The following CNTN4 variants were observed in gnomAD, a reference collection of about 807,000 sequenced individuals.
CNTN4 encodes the protein contactin 4.
In CNTN4, 77 loss-of-function variants were observed where a neutral mutation model predicts 122.5. That is an observed-to-expected ratio of 0.63 (90% CI 0.52 to 0.76). The LOEUF is 0.76. CNTN4 is among the 30% of genes least tolerant of loss of function. The pLI is 0.00. For missense variants in CNTN4, 1,256 were observed against 1,259.1 expected (o/e 1.00, Z 0.04); for synonymous variants, 512 against 447.0 (o/e 1.15, Z -1.83).
At chr3:2,797,087 A>C (rs758888116) in intron 6 of CNTN4, among the ~76,000 whole-genome samples, 3 of 152,278 alleles carry the variant, frequency 2.0e-5, no homozygotes, top group Middle Eastern at 3.4e-3. Context: ...TGCAGCCTAC[A>C]ACTCCTGGGC....
chr3:2,183,904 T>C (rs59946904), intron 2 of CNTN4, among the ~76,000 whole-genome samples: 295 of 152,304 alleles, frequency 1.9e-3, no homozygotes, highest in African/African-American at 7.0e-3. Context: ...TATTTTTGGA[T>C]AGGATAACAG....
chr3:2,564,933 G>A (rs1392628751), intron 3 of CNTN4, among the ~76,000 whole-genome samples: 1 of 152,062 alleles, frequency 6.6e-6, no homozygotes, highest in Non-Finnish European at 1.5e-5. Context: ...TGATACATTA[G>A]CTACCTGGCT....
intron 7 of CNTN4, among the ~76,000 whole-genome samples, chr3:2,859,132 T>TC (rs1368728429): frequency 6.6e-6 from 1 of 152,242 alleles, no homozygotes; most frequent in East Asian, 1.9e-4. Flanking sequence ...GTTTTGTGAT[T>TC]CCACATGTGA....
chr3:2,379,701 C>T (rs1014640736), intron 3 of CNTN4, among the ~76,000 whole-genome samples: 2 of 152,136 alleles, frequency 1.3e-5, no homozygotes, highest in Non-Finnish European at 1.5e-5. Flanking sequence ...ATCTTGGGAA[C>T]ATTATATAAC....
rs138137707 is a variant in CNTN4 at position 2,859,297 on chromosome 3, C to A, written c.455-7455C>A. Among the ~76,000 whole-genome samples the A allele has an allele frequency of 3.9e-5, 6 of 152,290 alleles. No homozygotes were observed. The East Asian group carries it at 9.7e-4, about 25-fold the overall frequency. On this transcript the variant is annotated intron_variant, in intron 7 of 24. Transcript: ENST00000418658. ...GTATATATATCACATTTTCTTCATT[C>A]ATTCATCCACTGATGGACACTTAGT...
At chr3:2,121,007 C>G (rs1179886054) in intron 2 of CNTN4, among the ~76,000 whole-genome samples, 2 of 152,102 alleles carry the variant, frequency 1.3e-5, no homozygotes, top group African/African-American at 4.8e-5. Context: ...CTTTGGGAGG[C>G]TTTCTCTGCA....
At chr3:2,351,799 G>T (rs2044634600) in intron 3 of CNTN4, among the ~76,000 whole-genome samples, 1 of 148,972 alleles carries the variant, frequency 6.7e-6, no homozygotes, top group African/African-American at 2.5e-5. Flanking sequence ...TAAAATGATG[G>T]TTACTGAGGT....
At chr3:2,181,959 T>C (rs2037036486) in intron 2 of CNTN4, among the ~76,000 whole-genome samples, 2 of 152,120 alleles carry the variant, frequency 1.3e-5, no homozygotes, top group Non-Finnish European at 2.9e-5. Context: ...CAAGAATAAA[T>C]ACTGAATGCT....
intron 3 of CNTN4, among the ~76,000 whole-genome samples, chr3:2,481,321 A>T (rs2075999067): frequency 6.6e-6 from 1 of 151,802 alleles, no homozygotes; most frequent in Non-Finnish European, 1.5e-5. Flanking sequence ...TTGTATTTTT[A>T]GTAGAGATGT....
At chr3:2,127,478 C>T (rs1483948430) in intron 2 of CNTN4, among the ~76,000 whole-genome samples, 1 of 152,004 alleles carries the variant, frequency 6.6e-6, no homozygotes, top group Non-Finnish European at 1.5e-5. Context: ...GTGCCACAAT[C>T]CTTTTAGAAC....
chr3:2,253,155 A>G (rs11713372), intron 2 of CNTN4, among the ~76,000 whole-genome samples: 16,409 of 152,112 alleles, frequency 0.11, 1,067 homozygotes, highest in Middle Eastern at 0.15. Flanking sequence ...AGGTAACTAG[A>G]TAATGCTAAA....
At chr3:3,009,379 C>A (rs1559783612) in intron 14 of CNTN4, among the ~76,000 whole-genome samples, 2 of 152,080 alleles carry the variant, frequency 1.3e-5, no homozygotes, top group African/African-American at 2.4e-5. Flanking sequence ...AAGAAACACC[C>A]TTTTCTTGCT....
chr3:2,912,365 G>T (rs1020059403), intron 12 of CNTN4, among the ~76,000 whole-genome samples: 1 of 152,186 alleles, frequency 6.6e-6, no homozygotes, highest in Non-Finnish European at 1.5e-5. Context: ...GGGAGAAGTG[G>T]AGACTTTCCC....
intron 3 of CNTN4, among the ~76,000 whole-genome samples, chr3:2,472,466 T>C (rs78894090): frequency 0.013 from 1,905 of 152,270 alleles, 40 homozygotes; most frequent in African/African-American, 0.043. Flanking sequence ...CTCAAATTTC[T>C]GGCCTCATGT....
chr3:2,520,529 C>G (rs561533528), intron 3 of CNTN4, among the ~76,000 whole-genome samples: 2 of 151,982 alleles, frequency 1.3e-5, no homozygotes, highest in Non-Finnish European at 2.9e-5. Context: ...CTACCTCTGC[C>G]TCCCAAAATG....
rs149018081 is a variant in CNTN4 at position 2,678,810 on chromosome 3, C to T, written c.56-57405C>T. Among the ~76,000 whole-genome samples, 139 of 152,186 alleles carry T rather than the reference C, an allele frequency of 9.1e-4. 2 individuals are homozygous for T. The highest frequency in any genetic ancestry group is 3.4e-3 in the Middle Eastern group (1 of 294). ...GAGCTGTATGTCTTACGAAGCAGGC[C>T]CACATTAAGTCTGTAGGACTGCATG... On this transcript the variant is annotated intron_variant, in intron 4 of 24. Coordinates refer to ENST00000418658, the MANE Select transcript of CNTN4 (RefSeq NM_175607.3).
chr3:2,986,954 A>G (rs1391030471), intron 13 of CNTN4, among the ~76,000 whole-genome samples: 1 of 152,188 alleles, frequency 6.6e-6, no homozygotes, highest in Non-Finnish European at 1.5e-5. Context: ...TCCTGATTGA[A>G]TTTAGTGGGA....
At chr3:2,965,832 C>T (rs1460399866) in intron 13 of CNTN4, among the ~76,000 whole-genome samples, 1 of 152,076 alleles carries the variant, frequency 6.6e-6, no homozygotes, top group Non-Finnish European at 1.5e-5. Flanking sequence ...CATGTCGTCC[C>T]CTGTATGTAT....
chr3:2,684,649 CTTTGT>C (rs1454485101), intron 4 of CNTN4, among the ~76,000 whole-genome samples: 1 of 152,180 alleles, frequency 6.6e-6, no homozygotes. Context: ...TATCAGCTAA[CTTTGT>C]TTTAAGAATA....
Sources: gnomAD v4.1 joint callset for allele counts (sites outside exome capture counted in the v4.1 genomes callset) on GRCh38, gnomAD v4.1.1 for gene constraint, MANE v1.5 for transcripts, NCBI Gene and HGNC (gene_info 2026-07-23, HGNC 2026-07-21) for gene names.